ZDHHC13: variants seen among roughly 807,000 people sequenced by gnomAD.
ZDHHC13 encodes the protein zDHHC palmitoyltransferase 13, also known as palmitoyltransferase ZDHHC13.
ZDHHC13 carries 85 observed loss-of-function variants against 86.0 expected under a neutral mutation model. The observed-to-expected ratio is 0.99, with a 90% CI of 0.83 to 1.18. The LOEUF is 1.18. ZDHHC13 is among the 50% of genes most tolerant of loss of function. The probability of loss-of-function intolerance (pLI) is 0.00; values close to 1 mark genes in which losing one functional copy is unlikely to be tolerated. For missense variants in ZDHHC13, 711 were observed against 730.2 expected, an observed-to-expected ratio of 0.97 and a Z score of 0.30; for synonymous variants, 263 against 246.4, an observed-to-expected ratio of 1.07 and a Z score of -0.63.
chr11:19,151,651 AG>A (rs1849610872), intron 6 of ZDHHC13, among the ~76,000 whole-genome samples: 1 of 152,088 alleles, frequency 6.6e-6, no homozygotes, highest in Non-Finnish European at 1.5e-5. Context: ...GTATTGGTAA[AG>A]TAAAAATATT....
chr11:19,132,511 G>T (rs1849023940), intron 1 of ZDHHC13, among the ~76,000 whole-genome samples: 1 of 152,094 alleles, frequency 6.6e-6, no homozygotes, highest in African/African-American at 2.4e-5. Flanking sequence ...TACATTACTT[G>T]TCCTAGTACT....
intron 1 of ZDHHC13, among the ~76,000 whole-genome samples, chr11:19,137,427 G>A (rs983474864): frequency 1.1e-4 from 17 of 152,018 alleles, no homozygotes; most frequent in African/African-American, 3.1e-4. Context: ...CAAGTCCTGA[G>A]CGACCTACAA....
chr11:19,121,687 T>A (rs1848761690), intron 1 of ZDHHC13, among the ~76,000 whole-genome samples: 1 of 152,202 alleles, frequency 6.6e-6, no homozygotes, highest in African/African-American at 2.4e-5. Context: ...GTTAAGCTTC[T>A]TTATCCATGT....
At chr11:19,131,378 A>T (rs1196412677) in intron 1 of ZDHHC13, among the ~76,000 whole-genome samples, 2 of 152,080 alleles carry the variant, frequency 1.3e-5, no homozygotes, top group South Asian at 4.1e-4. Context: ...CCTACTTGGG[A>T]TCCATTAAAC....
At chr11:19,133,942 T>TATATATATACAC in intron 1 of ZDHHC13, among the ~76,000 whole-genome samples, 3,222 of 96,040 alleles carry the variant, frequency 0.034, 285 homozygotes, top group Non-Finnish European at 0.054. Flanking sequence ...TATATATATA[T>TATATATATACAC]ACACGTATGT....
intron 15 of ZDHHC13, 121 bp from the exon 16 acceptor site, chr11:19,172,602 C>A: frequency 1.5e-6 from 1 of 653,690 alleles, no homozygotes; most frequent in Non-Finnish European, 2.3e-6. Context: ...TGTCCCTTTT[C>A]AAGGAGATAC....
rs1848661892 is a variant in ZDHHC13 at position 19,117,187 on chromosome 11, C to T, written c.-63C>T. 6 of 1,519,466 alleles carry T rather than the reference C, an allele frequency of 3.9e-6. No individual in the cohort carries two copies. The East Asian group carries it at 1.3e-4, about 32-fold the overall frequency. 94.1% of individuals were successfully genotyped at this position (1,519,466 alleles called of 1,614,324 possible). ...GGGAGAAGAGGCGACCCAAGGCGGG[C>T]TGGCGGGCTGGCGGCAGTCGCTACT... is the stretch of plus-strand genomic sequence containing the variant. On this transcript the variant is annotated 5_prime_UTR_variant, in exon 1 of 17. Transcript: ENST00000446113. The surrounding 1 kb of genome is among the most constrained non-coding windows in gnomAD (Gnocchi z 4.2).
Position 19,117,753 on chromosome 11 carries a change from T to G in ZDHHC13, c.27+477T>G, listed in dbSNP as rs1416266386. On this transcript the variant is annotated intron_variant, in intron 1 of 16. Transcript: ENST00000446113. This position sits in a 1 kb window ranked among gnomAD's most constrained non-coding sequence, Gnocchi z 4.2. ...TCCAGTTTTCGCTCCTGTTTCCGCA[T>G]CCTTGCTTACTCCTTGAAATAATTA... 2 of 157,622 alleles carry G rather than the reference T, an allele frequency of 1.3e-5. No homozygotes were observed. The highest frequency in any genetic ancestry group is 4.8e-5 in the African/African-American group (2 of 41,706). The allele number at this position is 157,622 out of a possible 1,614,324, so 9.8% of individuals were successfully genotyped here. A position where few individuals can be genotyped will look rare whatever the true frequency, so the allele number is the denominator to read the frequency against.
chr11:19,169,648 GATTTACAT>G (rs1426707778), intron 14 of ZDHHC13: 1 of 985,310 alleles, frequency 1.0e-6, no homozygotes, highest in Non-Finnish European at 1.2e-6. Flanking sequence ...AAAGTCATTG[GATTTACAT>G]AACCTTGAAG....
In ZDHHC13 at chr11:19,149,190, AG is replaced by A; in HGVS notation, c.380del (p.Gly127AspfsTer39). On this transcript the variant is annotated frameshift_variant, in exon 5 of 17. Transcript: ENST00000446113. LOFTEE classifies it high-confidence loss of function. ...GCTTTTTGTCTTCTATTTGCAGACA[AG>A]GACATTTACCTATGGTCATATTATT... Reference protein sequence around the residue: ...STPLHWAIRQGHLPMVILLLQ... With the variant: ...STPLHWAIRQXHLPMVILLLQ... 3 of 1,555,834 alleles carry A rather than the reference AG, an allele frequency of 1.9e-6. No homozygotes were observed. Among genetic ancestry groups the A allele is most frequent in the Non-Finnish European group, 2.6e-6 (3 of 1,143,242 alleles).
intron 14 of ZDHHC13, 183 bp from the exon 15 acceptor site, chr11:19,170,228 C>T: frequency 1.4e-6 from 2 of 1,400,952 alleles, no homozygotes; most frequent in Non-Finnish European, 1.8e-6. Flanking sequence ...TAACATTGAG[C>T]CACCATTTTG....
chr11:19,153,162 T>G (rs1368366363), intron 8 of ZDHHC13, among the ~76,000 whole-genome samples: 1 of 152,192 alleles, frequency 6.6e-6, no homozygotes, highest in African/African-American at 2.4e-5. Flanking sequence ...TGTCACTTCA[T>G]AAAAGAAAAC....
intron 5 of ZDHHC13, 122 bp downstream of exon 5, chr11:19,149,453 A>G (rs140621359): frequency 2.9e-6 from 3 of 1,049,588 alleles, no homozygotes; most frequent in African/African-American, 3.2e-5. Context: ...ATATTCAGAT[A>G]TTAGCCTCAG....
At chr11:19,120,733 ATCTC>A in intron 1 of ZDHHC13, among the ~76,000 whole-genome samples, 1 of 152,278 alleles carries the variant, frequency 6.6e-6, no homozygotes, top group East Asian at 1.9e-4. Flanking sequence ...CTTTCTTGGT[ATCTC>A]TCTTTTTTCC....
Position 19,164,205 on chromosome 11 carries a change from T to C in ZDHHC13, c.1234-96T>C, listed in dbSNP as rs1389625449. The C allele has an allele frequency of 2.4e-6, 3 of 1,273,500 alleles. No homozygotes were observed. In the East Asian group the frequency reaches 7.4e-5, roughly 31 times the overall value. 78.9% of individuals were successfully genotyped at this position (1,273,500 alleles called of 1,614,324 possible). A position where few individuals can be genotyped will look rare whatever the true frequency, so the allele number is the denominator to read the frequency against. On this transcript the variant is annotated intron_variant, in intron 11 of 16. Transcript: ENST00000446113. Reference sequence around the variant, plus strand: ...TATTCCAAATTGCTTTTCTAACTACTTCAGTTTGGAGCGAGAACTGTGAGA... The same window carrying C: ...TATTCCAAATTGCTTTTCTAACTACCTCAGTTTGGAGCGAGAACTGTGAGA...
chr11:19,168,122 A>T (rs1475769623), intron 14 of ZDHHC13: 1 of 152,190 alleles, frequency 6.6e-6, no homozygotes. Flanking sequence ...AAAACTTCTT[A>T]GATTATGTCT....
At chr11:19,131,939 C>T (rs549090150) in intron 1 of ZDHHC13, among the ~76,000 whole-genome samples, 3 of 152,336 alleles carry the variant, frequency 2.0e-5, no homozygotes, top group African/African-American at 7.2e-5. Flanking sequence ...CGCAGATACT[C>T]TAACCTGATC....
At chr11:19,155,698 GTTA>G in intron 8 of ZDHHC13, 95 bp from the exon 9 acceptor site, 1 of 1,261,578 alleles carries the variant, frequency 7.9e-7, no homozygotes, top group South Asian at 1.5e-5. Flanking sequence ...TGTATTAATT[GTTA>G]TTATATACTT....
Position 19,176,071 on chromosome 11 carries a change from G to T in ZDHHC13, c.*111G>T. 1 of 1,286,788 alleles carries T rather than the reference G, an allele frequency of 7.8e-7. No individual in the cohort carries two copies. Among genetic ancestry groups the T allele is most frequent in the Non-Finnish European group, 1.0e-6 (1 of 979,356 alleles). The allele number at this position is 1,286,788 out of a possible 1,614,324, so 79.7% of individuals were successfully genotyped here. On this transcript the variant is annotated 3_prime_UTR_variant, in exon 17 of 17. Coordinates refer to ENST00000446113, the MANE Select transcript of ZDHHC13 (RefSeq NM_019028.3). The stretch of plus-strand genomic sequence containing the variant: ...TTCACCTAAGTCCAAAGGAAAACAC[G>T]TGGTTTTTAAAGCCATTAGGTAAAA...
Sources: gnomAD v4.1 joint callset for allele counts (sites outside exome capture counted in the v4.1 genomes callset) on GRCh38, gnomAD v4.1.1 for gene constraint, Gnocchi (gnomAD v3.1) non-coding constraint, MANE v1.5 for transcripts, NCBI Gene and HGNC (gene_info 2026-07-23, HGNC 2026-07-21) for gene names.